The following OLFM3 variants were observed in gnomAD, a reference collection of about 807,000 sequenced individuals.
OLFM3 encodes olfactomedin 3.
Under a neutral mutation model 48.6 loss-of-function variants are expected in OLFM3, and 20 were observed. That is an observed-to-expected ratio of 0.41 (90% CI 0.29 to 0.60). The LOEUF (loss-of-function observed/expected upper bound fraction) is 0.60, where lower values mean the gene tolerates loss of function less well. Among genes scored for constraint, OLFM3 ranks in the 20% least tolerant of loss-of-function variants. The pLI is 0.28. For missense variants in OLFM3, 437 were observed against 544.3 expected (o/e 0.80, Z 1.96); for synonymous variants, 222 against 198.1 (o/e 1.12, Z -1.01).
chr1:101,949,757 C>G (rs1346441991), intron 1 of OLFM3, among the ~76,000 whole-genome samples: 1 of 151,894 alleles, frequency 6.6e-6, no homozygotes, highest in East Asian at 1.9e-4. Flanking sequence ...GGGGAAACCC[C>G]GTCTCTACTA....
chr1:101,803,969 CTA>C lies in OLFM3; in HGVS notation c.*267_*268del, dbSNP rs199714365. On this transcript the variant is annotated 3_prime_UTR_variant, in exon 6 of 6. Coordinates refer to ENST00000370103, the MANE Select transcript of OLFM3 (RefSeq NM_058170.4). ...GGCAGATCATTAATCTCTTGCAAAA[CTA>C]TGACTTTAGCCACTTAAACTCTTTT... is the stretch of plus-strand genomic sequence containing the variant. 982 of 251,236 alleles carry C rather than the reference CTA, an allele frequency of 3.9e-3. 9 individuals carry two copies. The highest frequency in any genetic ancestry group is 0.021 in the African/African-American group (910 of 44,068). The allele number at this position is 251,236 out of a possible 1,614,324, so 15.6% of individuals were successfully genotyped here.
Position 101,830,793 on chromosome 1 carries a change from T to C in OLFM3, c.251A>G (p.Asn84Ser), listed in dbSNP as rs755147188. Residue 84 changes from asparagine (N) to serine (S), a missense_variant, in exon 3 of 6, where the codon AAC becomes AGC. Coordinates refer to ENST00000370103, the MANE Select transcript of OLFM3 (RefSeq NM_058170.4). ...TTGGAAATCTCTCTGAGTTCTCAAG[T>C]TTAAGACTTCAATAGACTGGGACAT... ...QNMSQSIEVL[N>S]LRTQRDFQYV... is the part of the protein sequence containing the mutation. The C allele has an allele frequency of 6.2e-7, 1 of 1,614,084 alleles. No homozygotes were observed. The highest frequency in any genetic ancestry group is 8.5e-7 in the Non-Finnish European group (1 of 1,179,930).
chr1:101,976,522 T>C (rs960699117), intron 1 of OLFM3, among the ~76,000 whole-genome samples: 1 of 152,188 alleles, frequency 6.6e-6, no homozygotes, highest in Non-Finnish European at 1.5e-5. Context: ...TTGGTATTAG[T>C]GTTTTTGGTT....
At chr1:101,828,915 T>C (rs1655012785) in intron 3 of OLFM3, among the ~76,000 whole-genome samples, 1 of 152,178 alleles carries the variant, frequency 6.6e-6, no homozygotes, top group Non-Finnish European at 1.5e-5. Flanking sequence ...ACATAGTAAA[T>C]CTTTTGGTTT....
intron 4 of OLFM3, among the ~76,000 whole-genome samples, chr1:101,823,605 A>G (rs1302512097): frequency 1.3e-5 from 2 of 152,040 alleles, no homozygotes; most frequent in East Asian, 3.8e-4. Context: ...TGTATCCTAC[A>G]ACATAAGGAA....
intron 1 of OLFM3, among the ~76,000 whole-genome samples, chr1:101,965,645 T>C (rs931579494): frequency 5.9e-5 from 9 of 152,214 alleles, no homozygotes; most frequent in Non-Finnish European, 1.3e-4. Flanking sequence ...ATATTGTTCA[T>C]AGGTTCAATT....
chr1:101,843,607 C>T (rs1340357097), intron 1 of OLFM3, among the ~76,000 whole-genome samples: 2 of 152,176 alleles, frequency 1.3e-5, no homozygotes, highest in East Asian at 1.9e-4. Flanking sequence ...GGAGCTTATT[C>T]CCCTAATAAG....
chr1:101,847,744 G>C (rs1384555707), intron 1 of OLFM3, among the ~76,000 whole-genome samples: 5 of 152,096 alleles, frequency 3.3e-5, no homozygotes, highest in Non-Finnish European at 5.9e-5. Context: ...TTGCTTCGTA[G>C]GTGTTCAGTC....
At chr1:101,953,836 G>A (rs1660215486) in intron 1 of OLFM3, among the ~76,000 whole-genome samples, 2 of 152,082 alleles carry the variant, frequency 1.3e-5, no homozygotes, top group African/African-American at 2.4e-5. Context: ...GGCTGTATTA[G>A]TCCCTGGGTA....
chr1:101,825,289 A>G (rs1291505740), intron 3 of OLFM3, 44 bp from the exon 4 acceptor site: 2 of 1,439,120 alleles, frequency 1.4e-6, no homozygotes, highest in Non-Finnish European at 9.7e-7. Context: ...TTTAAAACAG[A>G]TCATGCTGCT....
In OLFM3 at chr1:101,933,878, G is replaced by A. The variant is rs181809179; in HGVS notation, c.69+62870C>T. Among the ~76,000 whole-genome samples the A allele has an allele frequency of 2.3e-3, 350 of 152,196 alleles. 1 individual carries two copies. The highest frequency in any genetic ancestry group is 0.01 in the Middle Eastern group (3 of 294). On this transcript the variant is annotated intron_variant, in intron 1 of 5. Transcript: ENST00000370103. The stretch of plus-strand genomic sequence containing the variant: ...TCAGGCCAAACTAAGCTTTATAAGC[G>A]AAGAAGAAATAAAATCCTTTTCAGA...
chr1:101,836,891 T>C lies in OLFM3; in HGVS notation c.204A>G (p.Gln68=), dbSNP rs779620624. ...SRDAKSRQLR[Q]LLEKVQNMSQ... ...ACAGGACACCTACCTTTTCCAGTAG[T>C]TGGCGAAGTTGCCTGCTTTTGGCAT... The change falls in exon 2 of 6, where the codon CAA becomes CAG. Residue 68 remains glutamine, a synonymous_variant. Coordinates refer to ENST00000370103, the MANE Select transcript of OLFM3 (RefSeq NM_058170.4). 15 of 1,614,190 alleles carry C rather than the reference T, an allele frequency of 9.3e-6. No homozygotes were observed. The highest frequency in any genetic ancestry group is 6.7e-5 in the Admixed American group (4 of 60,018).
Position 101,860,902 on chromosome 1 carries a change from C to T in OLFM3, c.70-23877G>A, listed in dbSNP as rs190489888. ...AGGCTTAAACATAATAGCCAGTCAC[C>T]CATATGCTCTGACTTTTTGATATAG... On this transcript the variant is annotated intron_variant, in intron 1 of 5. Transcript: ENST00000370103. Among the ~76,000 whole-genome samples, 135 of 152,032 alleles carry T rather than the reference C, an allele frequency of 8.9e-4. 1 individual carries two copies. Among genetic ancestry groups the T allele is most frequent in the African/African-American group, 3.2e-3 (131 of 41,422 alleles).
intron 1 of OLFM3, among the ~76,000 whole-genome samples, chr1:101,927,090 G>A (rs1026870493): frequency 2.6e-5 from 4 of 152,100 alleles, no homozygotes; most frequent in Non-Finnish European, 5.9e-5. Flanking sequence ...TTCTAAGGAA[G>A]AGTCACTTTT....
chr1:101,918,756 C>G (rs1659004784), intron 1 of OLFM3, among the ~76,000 whole-genome samples: 1 of 152,070 alleles, frequency 6.6e-6, no homozygotes, highest in Non-Finnish European at 1.5e-5. Flanking sequence ...TGGCATTCTT[C>G]TGCCTATCAC....
intron 1 of OLFM3, among the ~76,000 whole-genome samples, chr1:101,899,990 T>C (rs1161521977): frequency 6.6e-6 from 1 of 152,180 alleles, no homozygotes; most frequent in African/African-American, 2.4e-5. Flanking sequence ...CCTAGAATTA[T>C]AGGTAAGGTA....
At chr1:101,931,246 A>G (rs1487592993) in intron 1 of OLFM3, among the ~76,000 whole-genome samples, 1 of 152,190 alleles carries the variant, frequency 6.6e-6, no homozygotes, top group Non-Finnish European at 1.5e-5. Context: ...ACAAATGCAT[A>G]AGGCCAAAAA....
At chr1:101,893,362 G>A (rs903433746) in intron 1 of OLFM3, 3 of 387,388 alleles carry the variant, frequency 7.7e-6, no homozygotes, top group East Asian at 1.4e-4. Context: ...CTGTGTGCAT[G>A]GAGACCCAGG....
intron 1 of OLFM3, among the ~76,000 whole-genome samples, chr1:101,925,198 G>A (rs1168346078): frequency 6.6e-6 from 1 of 151,972 alleles, no homozygotes; most frequent in Non-Finnish European, 1.5e-5. Context: ...GGAATAGTGG[G>A]AGATAATGTT....
Sources: gnomAD v4.1 joint callset for allele counts (sites outside exome capture counted in the v4.1 genomes callset) on GRCh38, gnomAD v4.1.1 for gene constraint, MANE v1.5 for transcripts, NCBI Gene and HGNC (gene_info 2026-07-23, HGNC 2026-07-21) for gene names.